Variants in RELN observed in about 807,000 individuals in gnomAD.
The protein encoded by RELN is reelin.
In RELN, 108 loss-of-function variants were observed where a neutral mutation model predicts 427.6. The ratio of observed to expected loss-of-function variants is 0.25; its 90% CI spans 0.22 to 0.30. The LOEUF (loss-of-function observed/expected upper bound fraction) is 0.30. RELN is among the 10% of genes least tolerant of loss of function. The probability of loss-of-function intolerance (pLI) is 1.00; values close to 1 mark genes in which losing one functional copy is unlikely to be tolerated. For missense variants in RELN, 3,715 were observed against 4,302.8 expected (o/e 0.86, Z 3.82); for synonymous variants, 1,524 against 1,513.4 (o/e 1.01, Z -0.16).
At chr7:103,544,488 GT>G (rs1269230207) in intron 42 of RELN, among the ~76,000 whole-genome samples, 1 of 151,968 alleles carries the variant, frequency 6.6e-6, no homozygotes, top group African/African-American at 2.4e-5. Flanking sequence ...GCCTCCCAAG[GT>G]GCTGGGATTA....
At chr7:103,957,971 C>T (rs1796469537) in intron 1 of RELN, among the ~76,000 whole-genome samples, 2 of 152,174 alleles carry the variant, frequency 1.3e-5, no homozygotes, top group Non-Finnish European at 2.9e-5. Flanking sequence ...AGGTAATGTG[C>T]AGCTTCAGAC....
At chr7:103,636,541 G>A (rs776813192) in intron 17 of RELN, 73 bp from the exon 18 acceptor site, 18 of 972,868 alleles carry the variant, frequency 1.9e-5, no homozygotes, top group African/African-American at 6.4e-5. Flanking sequence ...ACTTTGGGGA[G>A]GAAGAAGTCC....
chr7:103,843,658 C>G (rs1584289270), intron 2 of RELN, among the ~76,000 whole-genome samples: 1 of 152,052 alleles, frequency 6.6e-6, no homozygotes, highest in African/African-American at 2.4e-5. Flanking sequence ...TATTATATAC[C>G]CTTTGTCCTC....
chr7:103,891,358 AT>A, intron 2 of RELN, among the ~76,000 whole-genome samples: 1 of 152,228 alleles, frequency 6.6e-6, no homozygotes, highest in East Asian at 1.9e-4. Flanking sequence ...CAGGATGGTG[AT>A]TCTTATCTTA....
chr7:103,963,129 G>A (rs1796594492), intron 1 of RELN, among the ~76,000 whole-genome samples: 1 of 59,540 alleles, frequency 1.7e-5, no homozygotes, highest in Non-Finnish European at 3.3e-5. Context: ...TCCTCTTTTC[G>A]CCTTCTTTTT....
At chr7:103,554,259 T>C (rs545835302) in intron 38 of RELN, among the ~76,000 whole-genome samples, 2 of 151,390 alleles carry the variant, frequency 1.3e-5, no homozygotes, top group East Asian at 3.9e-4. Flanking sequence ...CATAAAGTAC[T>C]TGTCAGTACT....
At chr7:103,911,032 A>G (rs1433158665) in intron 2 of RELN, among the ~76,000 whole-genome samples, 1 of 141,898 alleles carries the variant, frequency 7.0e-6, no homozygotes, top group African/African-American at 2.8e-5. Context: ...GAGCTTCTGC[A>G]CAGCAAAAGA....
intron 8 of RELN, among the ~76,000 whole-genome samples, chr7:103,710,289 G>C (rs1417367515): frequency 6.6e-6 from 1 of 152,214 alleles, no homozygotes. Flanking sequence ...GGAGGTGTCA[G>C]AGTGGACCTA....
At chr7:103,698,599 G>C (rs549534295) in intron 9 of RELN, among the ~76,000 whole-genome samples, 6 of 152,232 alleles carry the variant, frequency 3.9e-5, no homozygotes, top group African/African-American at 1.2e-4. Context: ...CCGTAACCTT[G>C]AACTCCTGGC....
chr7:103,679,903 A>T (rs1451395780), intron 11 of RELN, among the ~76,000 whole-genome samples: 1 of 152,106 alleles, frequency 6.6e-6, no homozygotes, highest in African/African-American at 2.4e-5. Flanking sequence ...AGCTTACTTC[A>T]TGAAGGGGTT....
chr7:103,819,909 GA>G (rs1257797414), intron 3 of RELN, among the ~76,000 whole-genome samples: 8 of 151,754 alleles, frequency 5.3e-5, no homozygotes, highest in South Asian at 2.1e-4. Flanking sequence ...CCTAAGTCCA[GA>G]AATATTGCTT....
At chr7:103,770,641 A>AT (rs201761464) in intron 4 of RELN, among the ~76,000 whole-genome samples, 4 of 122,778 alleles carry the variant, frequency 3.3e-5, no homozygotes, top group Admixed American at 8.3e-5. Context: ...CTCTTTCCTT[A>AT]TTTTTTTTAA....
At chr7:103,597,286 G>A (rs1268305286) in intron 24 of RELN, among the ~76,000 whole-genome samples, 2 of 152,094 alleles carry the variant, frequency 1.3e-5, no homozygotes, top group Middle Eastern at 3.2e-3. Context: ...ACCAGGCAAC[G>A]TAGAAGCTTC....
At chr7:103,982,312 G>A (rs144106053) in intron 1 of RELN, among the ~76,000 whole-genome samples, 208 of 152,208 alleles carry the variant, frequency 1.4e-3, no homozygotes, top group African/African-American at 4.8e-3. Context: ...CACCTCCATG[G>A]CTCCCTTGCA....
At position 103,663,651 on chromosome 7, in the gene RELN, T is replaced by G. The variant is rs4729926; in HGVS notation, c.1290-2124A>C. Reference sequence around the variant, plus strand: ...ACTTAATGCCTACTGCTACTATTGCTGCCAGGCTTAGGCTTTGGTACTGAA... The same window carrying G: ...ACTTAATGCCTACTGCTACTATTGCGGCCAGGCTTAGGCTTTGGTACTGAA... On this transcript the variant is annotated intron_variant, in intron 11 of 64. Transcript: ENST00000428762. 4.4e-3 allele frequency among the ~76,000 whole-genome samples: 667 copies of G among 152,312 alleles called. 14 individuals are homozygous for G. Among genetic ancestry groups the G allele is most frequent in the Admixed American group, 0.036 (554 of 15,294 alleles).
intron 2 of RELN, among the ~76,000 whole-genome samples, chr7:103,849,545 G>A (rs39399): frequency 0.37 from 55,935 of 151,940 alleles, 10,683 homozygotes; most frequent in Non-Finnish European, 0.42. Flanking sequence ...GACACCCTGC[G>A]TATCCCCTAC....
rs1062831 is a variant in RELN at position 103,483,760 on chromosome 7, T to C, written c.10074A>G (p.Ala3358=). The C allele has an allele frequency of 0.11, 178,541 of 1,613,946 alleles. 13,521 individuals carry two copies. Among genetic ancestry groups the C allele is most frequent in the African/African-American group, 0.35 (26,151 of 74,982 alleles). ...TGTTGACGCTGTATTGCAGCAGCAC[T>C]GCCTTGTCCACAGCGTGGGGGCCAC... ...DLSGPHAVDK[A]VLLQYSVNNG... is the part of the protein sequence containing the mutation. Residue 3358 remains alanine (A), a synonymous_variant, in exon 62 of 65, where the codon GCA becomes GCG. Transcript: ENST00000428762.
chr7:103,912,026 T>C (rs10273449), intron 2 of RELN, among the ~76,000 whole-genome samples: 2 of 152,224 alleles, frequency 1.3e-5, no homozygotes, highest in Admixed American at 1.3e-4. Context: ...TTTCCAATAC[T>C]ATATTTTAAA....
intron 1 of RELN, among the ~76,000 whole-genome samples, chr7:103,976,568 C>T (rs886494798): frequency 3.9e-5 from 6 of 152,094 alleles, no homozygotes; most frequent in Non-Finnish European, 8.8e-5. Flanking sequence ...ATTGTAGGAA[C>T]GGAGTTGGCC....
Sources: gnomAD v4.1 joint callset for allele counts (sites outside exome capture counted in the v4.1 genomes callset) on GRCh38, gnomAD v4.1.1 for gene constraint, MANE v1.5 for transcripts, NCBI Gene and HGNC (gene_info 2026-07-23, HGNC 2026-07-21) for gene names.